The following ASIC2 variants were observed in gnomAD, a reference collection of about 807,000 sequenced individuals.
The protein encoded by ASIC2 is acid-sensing ion channel 2.
ASIC2 carries 25 observed loss-of-function variants against 57.3 expected under a neutral mutation model. The ratio of observed to expected loss-of-function variants is 0.44; its 90% CI spans 0.32 to 0.61. The LOEUF (loss-of-function observed/expected upper bound fraction) is 0.61, where lower values mean the gene tolerates loss of function less well. Ranked by LOEUF, ASIC2 falls within the 20% of genes least tolerant of loss-of-function variation. ASIC2 has a pLI of 0.06. For missense variants in ASIC2, 641 were observed against 738.1 expected, an observed-to-expected ratio of 0.87 and a Z score of 1.52; for synonymous variants, 319 against 307.5, an observed-to-expected ratio of 1.04 and a Z score of -0.39.
At position 33,291,526 on chromosome 17, in the gene ASIC2, G is replaced by T. The variant is rs766539837; in HGVS notation, c.590C>A (p.Pro197Gln). ...GGCGCTGATTCCCTCGAAGTGGCGC[G>T]GAGGCAGGAAGAGGCGGAAGTCCGC... ...KLADFRLFLP[P>Q]RHFEGISAAF... is the part of the protein sequence containing the mutation. The change falls in exon 1 of 10, where the codon CCG becomes CAG. Residue 197 changes from proline to glutamine, a missense_variant. Coordinates refer to ENST00000225823, the MANE Select transcript of ASIC2 (RefSeq NM_183377.2). 9 of 1,612,528 alleles carry T rather than the reference G, an allele frequency of 5.6e-6. No individual in the cohort carries two copies. The South Asian group carries it at 9.9e-5, about 18-fold the overall frequency.
intron 1 of ASIC2, among the ~76,000 whole-genome samples, chr17:33,947,841 T>C (rs1222641524): frequency 2.0e-5 from 3 of 152,264 alleles, no homozygotes; most frequent in Non-Finnish European, 4.4e-5. Flanking sequence ...TTACATATTA[T>C]GTATTTTTAC....
At chr17:33,939,836 G>T (rs1233340676) in intron 1 of ASIC2, among the ~76,000 whole-genome samples, 1 of 152,180 alleles carries the variant, frequency 6.6e-6, no homozygotes, top group African/African-American at 2.4e-5. Context: ...CCCTGCTGCA[G>T]TAGCTCCCTT....
At chr17:33,370,580 G>C (rs2141938383) in intron 1 of ASIC2, among the ~76,000 whole-genome samples, 1 of 152,302 alleles carries the variant, frequency 6.6e-6, no homozygotes, top group East Asian at 1.9e-4. Flanking sequence ...CTGGAAGCAG[G>C]GTGGAGGGAG....
At chr17:33,289,265 A>G (rs1905319367) in intron 1 of ASIC2, among the ~76,000 whole-genome samples, 1 of 152,166 alleles carries the variant, frequency 6.6e-6, no homozygotes, top group South Asian at 2.1e-4. Context: ...ACAGGGAGGT[A>G]AGAGAAGGGT....
intron 1 of ASIC2, among the ~76,000 whole-genome samples, chr17:33,981,152 A>G (rs1368565967): frequency 6.6e-6 from 1 of 151,668 alleles, no homozygotes; most frequent in Non-Finnish European, 1.5e-5. Context: ...GGGTTTCACC[A>G]TGTTGGCCAG....
chr17:33,659,803 C>T (rs1338588493), intron 1 of ASIC2, among the ~76,000 whole-genome samples: 1 of 151,262 alleles, frequency 6.6e-6, no homozygotes, highest in Non-Finnish European at 1.5e-5. Context: ...ACCCAGGAGG[C>T]GAAGCTTGCA....
intron 1 of ASIC2, among the ~76,000 whole-genome samples, chr17:33,629,585 G>A (rs111883326): frequency 2.0e-5 from 3 of 152,332 alleles, no homozygotes; most frequent in African/African-American, 7.2e-5. Context: ...GTGAGTCCCA[G>A]GTTACATGGA....
At chr17:33,455,540 G>T (rs570877772) in intron 1 of ASIC2, among the ~76,000 whole-genome samples, 1 of 152,232 alleles carries the variant, frequency 6.6e-6, no homozygotes, top group African/African-American at 2.4e-5. Context: ...TTTTATGGCT[G>T]CATAATATTC....
Position 33,554,412 on chromosome 17 carries a change from G to T in ASIC2, c.556-442345C>A, listed in dbSNP as rs1915843546. Among the ~76,000 whole-genome samples, 3 of 151,922 alleles carry T rather than the reference G, an allele frequency of 2.0e-5. No homozygotes were observed. In the South Asian group the frequency reaches 6.2e-4, roughly 32 times the overall value. On this transcript the variant is annotated intron_variant, in intron 1 of 9. Transcript: ENST00000359872. Reference sequence around the variant, plus strand: ...CACGTGTGCACGTGTGGTGGATGGGGATCAATTGAAGGGAGTGACCATAGA... The same window carrying T: ...CACGTGTGCACGTGTGGTGGATGGGTATCAATTGAAGGGAGTGACCATAGA...
chr17:33,621,004 T>C (rs1202429643), intron 1 of ASIC2, among the ~76,000 whole-genome samples: 5 of 152,092 alleles, frequency 3.3e-5, no homozygotes, highest in Non-Finnish European at 7.4e-5. Context: ...TCCTTGCTGT[T>C]TCCTCCTCCA....
chr17:33,450,949 T>G (rs372005524), intron 1 of ASIC2, among the ~76,000 whole-genome samples: 5 of 152,202 alleles, frequency 3.3e-5, no homozygotes, highest in Non-Finnish European at 7.3e-5. Flanking sequence ...TCCTGACATG[T>G]TCTCTTAGCT....
At chr17:33,805,719 C>T (rs1232516262) in intron 1 of ASIC2, among the ~76,000 whole-genome samples, 2 of 152,148 alleles carry the variant, frequency 1.3e-5, no homozygotes, top group African/African-American at 4.8e-5. Context: ...CAGAAGGTCA[C>T]GATGGACATT....
chr17:33,318,804 G>T (rs534628115), intron 1 of ASIC2, among the ~76,000 whole-genome samples: 1 of 152,190 alleles, frequency 6.6e-6, no homozygotes, highest in East Asian at 1.9e-4. Flanking sequence ...CAGGAAAGAG[G>T]ACACAAGAAG....
intron 1 of ASIC2, among the ~76,000 whole-genome samples, chr17:33,510,524 C>T (rs985387251): frequency 6.6e-6 from 1 of 151,940 alleles, no homozygotes; most frequent in Non-Finnish European, 1.5e-5. Context: ...GCATGCCACA[C>T]CCAACTAATG....
At chr17:33,953,199 TCTC>T (rs1904633577) in intron 1 of ASIC2, among the ~76,000 whole-genome samples, 1 of 152,196 alleles carries the variant, frequency 6.6e-6, no homozygotes, top group East Asian at 1.9e-4. Flanking sequence ...GAATGACATT[TCTC>T]CTACCTTTTT....
At chr17:33,739,432 T>G (rs1205063094) in intron 1 of ASIC2, among the ~76,000 whole-genome samples, 1 of 152,220 alleles carries the variant, frequency 6.6e-6, no homozygotes, top group African/African-American at 2.4e-5. Context: ...CCAATAAATT[T>G]GTAGCAGGCC....
chr17:33,967,501 C>G (rs1343008830), intron 1 of ASIC2, among the ~76,000 whole-genome samples: 1 of 152,184 alleles, frequency 6.6e-6, no homozygotes, highest in Admixed American at 6.5e-5. Flanking sequence ...TCCCAAAGTG[C>G]CAGGATTACA....
At chr17:33,177,963 G>GA (rs1262012019) in intron 1 of ASIC2, among the ~76,000 whole-genome samples, 1 of 151,994 alleles carries the variant, frequency 6.6e-6, no homozygotes, top group Non-Finnish European at 1.5e-5. Context: ...TTTTCTCCAG[G>GA]AAAAAAATAA....
intron 1 of ASIC2, among the ~76,000 whole-genome samples, chr17:33,855,988 A>G (rs1371837452): frequency 2.0e-5 from 3 of 152,200 alleles, no homozygotes; most frequent in Non-Finnish European, 4.4e-5. Context: ...ACAATTTAAA[A>G]GGAGAAAAGA....
Sources: allele counts gnomAD v4.1 joint callset (sites outside exome capture counted in the v4.1 genomes callset), GRCh38; gene constraint gnomAD v4.1.1; transcripts MANE v1.5; gene names NCBI Gene and HGNC (gene_info 2026-07-23, HGNC 2026-07-21).